OTOGL: variants seen among roughly 807,000 people sequenced by gnomAD.
OTOGL encodes the protein otogelin like.
A neutral mutation model predicts 318.5 loss-of-function variants in OTOGL; 285 were observed. That is an observed-to-expected ratio of 0.89 (90% confidence interval 0.81 to 0.99). The LOEUF is 0.99. Ranked by LOEUF, OTOGL falls within the 50% of genes least tolerant of loss-of-function variation. The pLI, the probability that OTOGL is intolerant of heterozygous loss-of-function variation, is 0.00. For missense variants in OTOGL, 2,899 were observed against 2,845.6 expected, an observed-to-expected ratio of 1.02 and a Z score of -0.43; for synonymous variants, 987 against 936.5, an observed-to-expected ratio of 1.05 and a Z score of -0.99.
At chr12:80,342,380 A>G (rs1052467263) in intron 44 of OTOGL, among the ~76,000 whole-genome samples, 2 of 152,166 alleles carry the variant, frequency 1.3e-5, no homozygotes, top group Non-Finnish European at 1.5e-5. Flanking sequence ...TTAGAATTAT[A>G]TCTACAGCTT....
intron 8 of OTOGL, among the ~76,000 whole-genome samples, chr12:80,231,049 T>C (rs557257464): frequency 2.6e-5 from 4 of 152,284 alleles, no homozygotes; most frequent in South Asian, 2.1e-4. Context: ...TTAAATTTAC[T>C]GTTAAAGAGA....
At chr12:80,158,169 TA>T (rs1407376981) in intron 1 of OTOGL, among the ~76,000 whole-genome samples, 1 of 152,154 alleles carries the variant, frequency 6.6e-6, no homozygotes, top group African/African-American at 2.4e-5. Flanking sequence ...AACAGTGTTT[TA>T]AAAACAGTTT....
In OTOGL at chr12:80,150,477, G is replaced by A. The variant is rs117422067; in HGVS notation, c.-20+50872G>A. 4.4e-3 allele frequency among the ~76,000 whole-genome samples: 676 copies of A among 152,292 alleles called. 1 individual carries two copies. The highest frequency in any genetic ancestry group is 7.2e-3 in the Non-Finnish European group (487 of 68,032). ...GGGGAATGTTAAGGACTCATCCATC[G>A]CATTTATCTTTTATCTAGGCAGTGA... On this transcript the variant is annotated intron_variant, in intron 1 of 58. Transcript: ENST00000547103.
chr12:80,278,290 T>A lies in OTOGL; in HGVS notation c.2789+15T>A, dbSNP rs1883961624. 2.0e-6 allele frequency: 3 copies of A among 1,471,660 alleles called. No individual in the cohort carries two copies. Among genetic ancestry groups the A allele is most frequent in the Non-Finnish European group, 2.8e-6 (3 of 1,078,946 alleles). 91.2% of individuals were successfully genotyped at this position (1,471,660 alleles called of 1,614,324 possible). A position where few individuals can be genotyped will look rare whatever the true frequency, so the allele number is the denominator to read the frequency against. ...TGTTACACCTGGTAAGGAGATCCAT[T>A]TATTTCACAAATATTTTCCTAAGTA... On this transcript the variant is annotated intron_variant, in intron 25 of 58. Transcript: ENST00000547103.
At chr12:80,311,032 T>A (rs1286263306) in intron 30 of OTOGL, among the ~76,000 whole-genome samples, 1 of 152,228 alleles carries the variant, frequency 6.6e-6, no homozygotes, top group Non-Finnish European at 1.5e-5. Context: ...AATGTTTACT[T>A]TTCTTTAGAG....
At chr12:80,134,408 A>T (rs1414792454) in intron 1 of OTOGL, among the ~76,000 whole-genome samples, 1 of 152,188 alleles carries the variant, frequency 6.6e-6, no homozygotes, top group African/African-American at 2.4e-5. Context: ...AAATTTCATG[A>T]CACTTGTCAG....
chr12:80,168,333 C>T (rs1873962972), intron 1 of OTOGL, among the ~76,000 whole-genome samples: 1 of 152,124 alleles, frequency 6.6e-6, no homozygotes, highest in Non-Finnish European at 1.5e-5. Flanking sequence ...TAGCAACATT[C>T]TTTCACTCTA....
At chr12:80,218,092 A>C (rs762428387) in intron 5 of OTOGL, among the ~76,000 whole-genome samples, 3 of 152,168 alleles carry the variant, frequency 2.0e-5, no homozygotes, top group African/African-American at 7.2e-5. Flanking sequence ...TTTTCATTTG[A>C]TATTTGTTTT....
At chr12:80,342,213 G>A in intron 44 of OTOGL, 51 bp downstream of exon 44, 1 of 1,392,014 alleles carries the variant, frequency 7.2e-7, no homozygotes, top group Non-Finnish European at 9.9e-7. Flanking sequence ...TATGTTGAGA[G>A]TAAAAGCCAA....
intron 1 of OTOGL, among the ~76,000 whole-genome samples, chr12:80,110,684 G>GCA: frequency 6.6e-6 from 1 of 152,160 alleles, no homozygotes; most frequent in East Asian, 1.9e-4. Flanking sequence ...CCAAGTCTCT[G>GCA]CTATTGTGAA....
chr12:80,265,062 T>C lies in OTOGL; in HGVS notation c.2076T>C (p.Tyr692=). The C allele has an allele frequency of 6.2e-7, 1 of 1,613,924 alleles. No homozygotes were observed. Among genetic ancestry groups the C allele is most frequent in the East Asian group, 2.2e-5 (1 of 44,870 alleles). The change falls in exon 20 of 59, where the codon TAT becomes TAC. Residue 692 remains tyrosine, a synonymous_variant. Coordinates refer to ENST00000547103, the MANE Select transcript of OTOGL (RefSeq NM_001378609.3). Reference sequence around the variant, plus strand: ...AGCTCTTTGCTCCTTGCCACATCTATATTAGCCCTGGGCTGTACTATCAGC... The same window carrying C: ...AGCTCTTTGCTCCTTGCCACATCTACATTAGCCCTGGGCTGTACTATCAGC... ...HQELFAPCHI[Y]ISPGLYYQLC...
At chr12:80,321,110 A>G (rs1461925533) in intron 34 of OTOGL, among the ~76,000 whole-genome samples, 1 of 152,158 alleles carries the variant, frequency 6.6e-6, no homozygotes, top group African/African-American at 2.4e-5. Flanking sequence ...AGTGATAAGG[A>G]CAATATATTT....
intron 1 of OTOGL, among the ~76,000 whole-genome samples, chr12:80,159,264 T>A (rs1221702442): frequency 6.6e-6 from 1 of 152,150 alleles, no homozygotes; most frequent in Admixed American, 6.5e-5. Flanking sequence ...TTTACATCTA[T>A]GTTCATCAGG....
chr12:80,289,962 A>T (rs1884924763), intron 26 of OTOGL, among the ~76,000 whole-genome samples: 1 of 152,124 alleles, frequency 6.6e-6, no homozygotes, highest in Non-Finnish European at 1.5e-5. Context: ...AAACTTCTGC[A>T]GCTAGCTTGG....
intron 2 of OTOGL, among the ~76,000 whole-genome samples, chr12:80,209,855 AT>A (rs1218423403): frequency 1.3e-5 from 2 of 152,118 alleles, no homozygotes; most frequent in African/African-American, 4.8e-5. Flanking sequence ...AGAAGCTGTG[AT>A]TCTAACTTTT....
At chr12:80,136,275 T>A (rs1406399540) in intron 1 of OTOGL, among the ~76,000 whole-genome samples, 1 of 152,212 alleles carries the variant, frequency 6.6e-6, no homozygotes, top group Non-Finnish European at 1.5e-5. Flanking sequence ...TCTCTAGTGA[T>A]CTACCCAGTG....
intron 1 of OTOGL, among the ~76,000 whole-genome samples, chr12:80,159,480 C>A (rs540013279): frequency 1.3e-5 from 2 of 151,534 alleles, no homozygotes; most frequent in Admixed American, 6.6e-5. Flanking sequence ...TTTGGTTGGT[C>A]TTTTTTTTAT....
chr12:80,162,933 C>T (rs1873612262), intron 1 of OTOGL, among the ~76,000 whole-genome samples: 1 of 151,948 alleles, frequency 6.6e-6, no homozygotes, highest in Admixed American at 6.6e-5. Context: ...GGATGATAGG[C>T]TGACACAGAC....
chr12:80,263,964 T>C (rs1882750437), intron 19 of OTOGL, among the ~76,000 whole-genome samples: 1 of 152,130 alleles, frequency 6.6e-6, no homozygotes, highest in African/African-American at 2.4e-5. Context: ...TGTTTTTATA[T>C]ACATATACAT....
Sources: gnomAD v4.1 joint callset for allele counts (sites outside exome capture counted in the v4.1 genomes callset) on GRCh38, gnomAD v4.1.1 for gene constraint, MANE v1.5 for transcripts, NCBI Gene and HGNC (gene_info 2026-07-23, HGNC 2026-07-21) for gene names.